Variants in ASPM observed in about 807,000 individuals in gnomAD.
ASPM encodes assembly factor for spindle microtubules, also known as abnormal spindle-like microcephaly-associated protein.
In ASPM, 256 loss-of-function variants were observed where a neutral mutation model predicts 366.4. That is an observed-to-expected ratio of 0.70 (90% CI 0.63 to 0.77). ASPM has a LOEUF of 0.77. Ranked by LOEUF, ASPM falls within the 30% of genes least tolerant of loss-of-function variation. The pLI is 0.00. For synonymous variants in ASPM, 1,414 were observed against 1,342.9 expected (o/e 1.05, Z -1.16); for missense variants, 4,146 against 4,090.4 (o/e 1.01, Z -0.37).
In ASPM at chr1:197,134,041, CT is replaced by C. The variant is rs199570856; in HGVS notation, c.2174-447del. 7.0e-3 allele frequency among the ~76,000 whole-genome samples: 1,055 copies of C among 150,816 alleles called. 9 individuals are homozygous for C. The highest frequency in any genetic ancestry group is 0.023 in the African/African-American group (957 of 41,146). On this transcript the variant is annotated intron_variant, in intron 5 of 27. Transcript: ENST00000367409. ...CTTTTGGAAAAGAAACAACTTTTTT[CT>C]TTTTTTTTAAGTGATCTCTAAGATC...
chr1:197,118,489 GTA>G (rs1224340714), intron 16 of ASPM, among the ~76,000 whole-genome samples: 1 of 152,132 alleles, frequency 6.6e-6, no homozygotes, highest in Admixed American at 6.6e-5. Flanking sequence ...AGAGGAAAAA[GTA>G]TAGTTTGGGC....
intron 27 of ASPM, among the ~76,000 whole-genome samples, 175 bp from the exon 28 acceptor site, chr1:197,084,601 T>A (rs916394839): frequency 1.3e-5 from 2 of 152,158 alleles, no homozygotes; most frequent in Non-Finnish European, 2.9e-5. Flanking sequence ...TCCAGACTAT[T>A]TCTCTCCATC....
Position 197,090,238 on chromosome 1 carries a change from A to C in ASPM, c.9787T>G (p.Tyr3263Asp). ...TALALHYLLT[Y>D]KHLSAILEAL... is the part of the protein sequence containing the mutation. ...TCAAGAATGGCAGAAAGGTGCTTATATGTCAAAAGGTAATGAAGTGCAAGT... is the reference window on the plus strand; with the variant it reads ...TCAAGAATGGCAGAAAGGTGCTTATCTGTCAAAAGGTAATGAAGTGCAAGT... The change falls in exon 24 of 28, where the codon TAT becomes GAT. Residue 3263 changes from tyrosine to aspartate, a missense_variant. Coordinates refer to ENST00000367409, the MANE Select transcript of ASPM (RefSeq NM_018136.5). 1 of 1,613,610 alleles carries C rather than the reference A, an allele frequency of 6.2e-7. No homozygotes were observed. The highest frequency in any genetic ancestry group is 8.5e-7 in the Non-Finnish European group (1 of 1,179,700).
chr1:197,093,224 C>T lies in ASPM; in HGVS notation c.9122G>A (p.Arg3041Lys). The T allele has an allele frequency of 6.2e-7, 1 of 1,612,378 alleles. No individual in the cohort carries two copies. Among genetic ancestry groups the T allele is most frequent in the African/African-American group, 1.3e-5 (1 of 74,910 alleles). Residue 3041 changes from arginine to lysine, a missense_variant, in exon 21 of 28, where the codon AGA becomes AAA. This residue lies in a region of ASPM where 3,624 missense variants were observed against 3,591.7 expected (regional missense o/e 1.01). Transcript: ENST00000367409. ...RAACLIQAHY[R>K]GYKGRQVFLR... The stretch of plus-strand genomic sequence containing the variant: ...AAAGACCTGCCTTCCTTTATATCCT[C>T]TATAATGTGCTTGGATCAAACAAGC...
rs777108760 is a variant in ASPM, at chr1:197,104,881, T to C, written c.4370A>G (p.His1457Arg). 2 of 1,607,364 alleles carry C rather than the reference T, an allele frequency of 1.2e-6. No homozygotes were observed. The highest frequency in any genetic ancestry group is 2.2e-5 in the South Asian group (2 of 88,974). Residue 1457 changes from histidine (H) to arginine (R), a missense_variant, in exon 18 of 28, where the codon CAT becomes CGT. By Grantham distance (29) the His-to-Arg change is conservative. Around this residue, in one of 3 missense-constraint regions of ASPM, gnomAD observed 3,624 missense variants for 3,591.7 expected, o/e 1.01. Transcript: ENST00000367409. ...TTCTTCTTTAGCTTGTTTTCTTAAA[T>C]GCCATTCTCTAAAAGCTCTTTGCAA... ...VILQRAFREW[H>R]LRKQAKEENS...
At position 197,143,473 on chromosome 1, in the gene ASPM, T is replaced by C; in HGVS notation, c.779A>G (p.Asn260Ser). 1 of 1,614,090 alleles carries C rather than the reference T, an allele frequency of 6.2e-7. No individual in the cohort carries two copies. The highest frequency in any genetic ancestry group is 1.3e-5 in the African/African-American group (1 of 75,066). Reference protein sequence around the residue: ...LHASENRELLNVHSANVSKVS... With the variant: ...LHASENRELLSVHSANVSKVS... The stretch of plus-strand genomic sequence containing the variant: ...TTTTGAAACGTTGGCACTGTGTACA[T>C]TTAATAGTTCCCTATTTTCTGATGC... Residue 260 changes from asparagine to serine, a missense_variant, in exon 3 of 28, where the codon AAT becomes AGT. Coordinates refer to ENST00000367409, the MANE Select transcript of ASPM (RefSeq NM_018136.5).
intron 26 of ASPM, among the ~76,000 whole-genome samples, chr1:197,087,200 A>G (rs1045636819): frequency 6.6e-6 from 1 of 151,778 alleles, no homozygotes; most frequent in Non-Finnish European, 1.5e-5. Context: ...TCAGTCTCCC[A>G]AGTAGCTGGG....
chr1:197,105,317 TG>T, intron 17 of ASPM, 132 bp from the exon 18 acceptor site: 1 of 760,964 alleles, frequency 1.3e-6, no homozygotes, highest in Non-Finnish European at 2.1e-6. Flanking sequence ...ATTATTTTTG[TG>T]AGATATTTGT....
Position 197,093,159 on chromosome 1 carries a change from T to G in ASPM, c.9187A>C (p.Ile3063Leu), listed in dbSNP as rs1406859691. 18 of 1,612,472 alleles carry G rather than the reference T, an allele frequency of 1.1e-5. No individual in the cohort carries two copies. Among genetic ancestry groups the G allele is most frequent in the Non-Finnish European group, 1.4e-5 (17 of 1,178,866 alleles). The change falls in exon 21 of 28, where the codon ATA (isoleucine) becomes CTA (leucine). Residue 3063 changes from isoleucine to leucine, a missense_variant. Physicochemically the swap from Ile to Leu is conservative, Grantham distance 5. Around this residue, in one of 3 missense-constraint regions of ASPM, gnomAD observed 3,624 missense variants for 3,591.7 expected, o/e 1.01. Transcript: ENST00000367409. ...TGCTTTCCAGCCTCCCTGGCTCGTA[T>G]ATATTTTTGTATGATCAAAGCAGCA... ...KSAALIIQKY[I>L]RAREAGKHER...
chr1:197,117,884 T>A lies in ASPM; in HGVS notation c.3970A>T (p.Lys1324Ter), dbSNP rs1657788971. Reference sequence around the variant, plus strand: ...TGTGCTAAGACTCTTCGCCAATATTTCTGAATGACGAGTGCTGCATTAACT... The same window carrying A: ...TGTGCTAAGACTCTTCGCCAATATTACTGAATGACGAGTGCTGCATTAACT... ...KRVNAALVIQ[K>*]YWRRVLAQRK... Residue 1324 changes from lysine to a stop codon, truncating the protein, a stop_gained, in exon 17 of 28, where the codon AAA becomes TAA. Transcript: ENST00000367409. LOFTEE classifies it high-confidence loss of function. 6.2e-7 allele frequency: 1 copy of A among 1,613,466 alleles called. No individual in the cohort carries two copies. Among genetic ancestry groups the A allele is most frequent in the Non-Finnish European group, 8.5e-7 (1 of 1,179,612 alleles).
rs1304508631 is a variant in ASPM at position 197,105,075 on chromosome 1, T to C, written c.4176A>G (p.Arg1392=). The C allele has an allele frequency of 2.5e-6, 4 of 1,610,118 alleles. No homozygotes were observed. Among genetic ancestry groups the C allele is most frequent in the Non-Finnish European group, 3.4e-6 (4 of 1,177,402 alleles). The part of the protein sequence containing the change: ...RMIIAVTSYK[R]YLWATVTIQR... ...GAATTGTAACTGTAGCCCAAAGATA[T>C]CGTTTATAAGATGTAACAGCAATTA... Residue 1392 remains arginine (R), a synonymous_variant, in exon 18 of 28, where the codon CGA becomes CGG. Transcript: ENST00000367409.
At chr1:197,096,208 T>C in intron 18 of ASPM, 44 bp from the exon 19 acceptor site, 1 of 1,393,312 alleles carries the variant, frequency 7.2e-7, no homozygotes, top group South Asian at 1.2e-5. Context: ...GAGTTGTCTC[T>C]TTTTTTTTGT....
intron 27 of ASPM, among the ~76,000 whole-genome samples, chr1:197,085,894 C>T (rs1571585087): frequency 1.3e-5 from 2 of 151,940 alleles, no homozygotes; most frequent in African/African-American, 4.8e-5. Context: ...TTTATACTGT[C>T]AGTAAATTTT....
intron 22 of ASPM, among the ~76,000 whole-genome samples, chr1:197,091,331 A>T (rs1656781333): frequency 6.6e-6 from 1 of 151,784 alleles, no homozygotes; most frequent in Non-Finnish European, 1.5e-5. Flanking sequence ...ATCATTCTGC[A>T]TTTTTTTTAC....
chr1:197,130,769 C>T (rs553850729), intron 7 of ASPM, among the ~76,000 whole-genome samples: 27 of 152,188 alleles, frequency 1.8e-4, no homozygotes, highest in Admixed American at 7.2e-4. Flanking sequence ...AATAAGGTAC[C>T]TGTAAAAAGA....
At chr1:197,128,779 T>G (rs1397406272) in intron 9 of ASPM, 114 bp from the exon 10 acceptor site, 1 of 872,630 alleles carries the variant, frequency 1.1e-6, no homozygotes, top group Admixed American at 3.1e-5. Context: ...ATAAAAAGTT[T>G]CATATTATAC....
chr1:197,144,356 C>G (rs549807818), intron 1 of ASPM, among the ~76,000 whole-genome samples: 1 of 152,082 alleles, frequency 6.6e-6, no homozygotes, highest in South Asian at 2.1e-4. Context: ...AACAGATAGT[C>G]TCTAAATCAT....
At position 197,101,324 on chromosome 1, in the gene ASPM, G is replaced by A. The variant is rs1279276998; in HGVS notation, c.7927C>T (p.His2643Tyr). Residue 2643 changes from histidine to tyrosine, a missense_variant, in exon 18 of 28, where the codon CAT becomes TAT. Physicochemically the swap from His to Tyr is moderately conservative, Grantham distance 83. This residue lies in a region of ASPM where 3,624 missense variants were observed against 3,591.7 expected (regional missense o/e 1.01). Transcript: ENST00000367409. Reference protein sequence around the residue: ...KHCKAFKIRKHYLHLRATVVS... With the variant: ...KHCKAFKIRKYYLHLRATVVS... ...ACTGTTGCTCTAAGGTGGAGATAAT[G>A]CTTCCTTATTTTAAAGGCTTTACAA... The A allele has an allele frequency of 5.6e-6, 9 of 1,611,340 alleles. No homozygotes were observed. Among genetic ancestry groups the A allele is most frequent in the Non-Finnish European group, 7.6e-6 (9 of 1,178,776 alleles).
In ASPM at chr1:197,094,116, T is replaced by C. The variant is rs753961004; in HGVS notation, c.9052A>G (p.Lys3018Glu). 17 of 1,606,168 alleles carry C rather than the reference T, an allele frequency of 1.1e-5. No homozygotes were observed. The African/African-American group carries it at 2.1e-4, about 20-fold the overall frequency. ...QRKWRAILPAKIAHEHFLMIK... is the reference protein window; with the variant it reads ...QRKWRAILPAEIAHEHFLMIK... Reference sequence around the variant, plus strand: ...ATTAAGAAGTGTTCATGAGCTATCTTTGCAGGAAGTATAGCTCTCCATTTT... The same window carrying C: ...ATTAAGAAGTGTTCATGAGCTATCTCTGCAGGAAGTATAGCTCTCCATTTT... The change falls in exon 20 of 28, where the codon AAG becomes GAG. Residue 3018 changes from lysine to glutamate, a missense_variant. Lys to Glu is a moderately conservative substitution (Grantham distance 56). Around this residue, in one of 3 missense-constraint regions of ASPM, gnomAD observed 3,624 missense variants for 3,591.7 expected, o/e 1.01. Coordinates refer to ENST00000367409, the MANE Select transcript of ASPM (RefSeq NM_018136.5).
Sources: allele counts gnomAD v4.1 joint callset (sites outside exome capture counted in the v4.1 genomes callset), GRCh38; gene constraint gnomAD v4.1.1; regional missense constraint gnomAD v4.1.1; transcripts MANE v1.5; gene names NCBI Gene and HGNC (gene_info 2026-07-23, HGNC 2026-07-21).